RIMS2: variants seen among roughly 807,000 people sequenced by gnomAD.
The protein encoded by RIMS2 is regulating synaptic membrane exocytosis protein 2.
Under a neutral mutation model 174.4 loss-of-function variants are expected in RIMS2, and 59 were observed. The observed-to-expected ratio is 0.34, with a 90% CI of 0.27 to 0.42. The LOEUF (loss-of-function observed/expected upper bound fraction) is 0.42, where lower values mean the gene tolerates loss of function less well. Among genes scored for constraint, RIMS2 ranks in the 10% least tolerant of loss-of-function variants. The probability of loss-of-function intolerance (pLI) is 1.00; values close to 1 mark genes in which losing one functional copy is unlikely to be tolerated. For missense variants in RIMS2, 1,620 were observed against 1,666.3 expected (o/e 0.97, Z 0.48); for synonymous variants, 606 against 572.5 (o/e 1.06, Z -0.84).
At chr8:104,169,304 C>CCATATATATATATATA (rs2098816845) in intron 19 of RIMS2, among the ~76,000 whole-genome samples, 1 of 87,544 alleles carries the variant, frequency 1.1e-5, no homozygotes, top group Admixed American at 1.3e-4. Context: ...TTGTTGTTGG[C>CCATATATATATATATA]TATATATATA....
chr8:104,081,894 C>T (rs191433173), intron 19 of RIMS2, among the ~76,000 whole-genome samples: 115 of 151,794 alleles, frequency 7.6e-4, no homozygotes, highest in African/African-American at 2.6e-3. Context: ...TTCTCTTGAA[C>T]AAAAAACAAA....
At chr8:103,600,303 T>A (rs2094670383) in intron 1 of RIMS2, among the ~76,000 whole-genome samples, 1 of 150,632 alleles carries the variant, frequency 6.6e-6, no homozygotes, top group African/African-American at 2.5e-5. Flanking sequence ...AGAGTCTCAG[T>A]CTGTCACCCA....
At chr8:103,619,909 G>A (rs7823940) in intron 1 of RIMS2, among the ~76,000 whole-genome samples, 1 of 152,046 alleles carries the variant, frequency 6.6e-6, no homozygotes, top group East Asian at 1.9e-4. Flanking sequence ...ATATGAACAT[G>A]TCTATGAAAC....
chr8:104,026,761 T>C (rs946103872), intron 19 of RIMS2, among the ~76,000 whole-genome samples: 5 of 152,178 alleles, frequency 3.3e-5, no homozygotes, highest in African/African-American at 1.2e-4. Flanking sequence ...TTCTAGGTAT[T>C]GGATACCATT....
Position 104,100,950 on chromosome 8 carries a change from T to TACATATG in RIMS2, c.3334+86336_3334+86337insCATATGA, listed in dbSNP as rs1555225609. ...ATGTGATATATTATATATTATATAG[T>TACATATG]ATATATGATATATTATATAGTATAT... On this transcript the variant is annotated intron_variant, in intron 19 of 23. Coordinates refer to ENST00000504942, the Ensembl canonical transcript of RIMS2. Among the ~76,000 whole-genome samples, 131 of 131,114 alleles carry TACATATG rather than the reference T, an allele frequency of 1.0e-3. 2 individuals carry two copies. The highest frequency in any genetic ancestry group is 2.9e-3 in the African/African-American group (102 of 34,686). The allele number at this position is 131,114 out of a possible 152,430, so 86.0% of individuals were successfully genotyped here. A position where few individuals can be genotyped will look rare whatever the true frequency, so the allele number is the denominator to read the frequency against.
At chr8:103,927,867 C>G in exon 11 of RIMS2, 1 of 1,608,008 alleles carries the variant, frequency 6.2e-7, no homozygotes, top group Non-Finnish European at 8.5e-7. Context: ...AGAAGAACAA[C>G]GCCTTTTGTT....
Position 103,513,952 on chromosome 8 carries a change from G to A in RIMS2, c.176+12890G>A, listed in dbSNP as rs574851392. 3.9e-5 allele frequency among the ~76,000 whole-genome samples: 6 copies of A among 152,218 alleles called. No individual in the cohort carries two copies. In the South Asian group the frequency reaches 8.3e-4, roughly 21 times the overall value. The stretch of plus-strand genomic sequence containing the variant: ...AAATTTTACTCTTTCCAGAAAGAGC[G>A]TTACACATAAAATATCTGATTATAT... On this transcript the variant is annotated intron_variant, in intron 1 of 23. Coordinates refer to ENST00000504942, the Ensembl canonical transcript of RIMS2.
intron 1 of RIMS2, among the ~76,000 whole-genome samples, chr8:103,624,357 C>T (rs149766205): frequency 1.2e-3 from 185 of 152,314 alleles, no homozygotes; most frequent in African/African-American, 4.3e-3. Context: ...GACATCTCAT[C>T]TTCTCAGACC....
At chr8:103,878,892 TC>T (rs147564381) in intron 3 of RIMS2, among the ~76,000 whole-genome samples, 20,069 of 151,616 alleles carry the variant, frequency 0.13, 1,800 homozygotes, top group Non-Finnish European at 0.2. Context: ...ATTCACAGAA[TC>T]TTTTTGTTGT....
At chr8:103,567,112 A>C (rs1434393619) in intron 1 of RIMS2, among the ~76,000 whole-genome samples, 1 of 152,174 alleles carries the variant, frequency 6.6e-6, no homozygotes, top group East Asian at 1.9e-4. Context: ...ACTTTCACTT[A>C]GCATAATGTT....
intron 14 of RIMS2, among the ~76,000 whole-genome samples, chr8:103,957,999 C>T (rs2088141545): frequency 6.6e-6 from 1 of 152,028 alleles, no homozygotes; most frequent in Non-Finnish European, 1.5e-5. Flanking sequence ...TATGGTGATT[C>T]CTCATAGAGC....
intron 3 of RIMS2, among the ~76,000 whole-genome samples, chr8:103,795,135 T>A (rs1377962076): frequency 2.0e-5 from 3 of 152,134 alleles, no homozygotes. Flanking sequence ...CACATGCACA[T>A]GTGTGTTTAT....
chr8:104,068,728 A>G (rs901859760), intron 19 of RIMS2, 116 bp downstream of exon 23: 2 of 601,708 alleles, frequency 3.3e-6, no homozygotes, highest in Non-Finnish European at 5.9e-6. Context: ...CCATGGCCCC[A>G]TGATATTATT....
At chr8:103,928,376 T>C (rs1345957664) in intron 11 of RIMS2, among the ~76,000 whole-genome samples, 7 of 151,524 alleles carry the variant, frequency 4.6e-5, no homozygotes, top group African/African-American at 9.7e-5. Context: ...ACATATTATA[T>C]ATAAGGTTCA....
chr8:104,104,200 G>A (rs2131289479), intron 19 of RIMS2, among the ~76,000 whole-genome samples: 1 of 152,242 alleles, frequency 6.6e-6, no homozygotes, highest in East Asian at 1.9e-4. Flanking sequence ...GTTGAGTTGG[G>A]GGTTTGAAGA....
intron 2 of RIMS2, among the ~76,000 whole-genome samples, chr8:103,727,787 A>C (rs1453020912): frequency 1.3e-5 from 2 of 152,172 alleles, no homozygotes; most frequent in Non-Finnish European, 2.9e-5. Flanking sequence ...AGTGTGATCC[A>C]TTGATCTATG....
chr8:103,692,293 A>G (rs1040767897), intron 1 of RIMS2, among the ~76,000 whole-genome samples: 3 of 152,174 alleles, frequency 2.0e-5, no homozygotes, highest in African/African-American at 7.2e-5. Flanking sequence ...TTTCTTCAGG[A>G]TGGTGAGTTG....
chr8:103,943,480 A>G (rs2083019407), intron 14 of RIMS2, among the ~76,000 whole-genome samples: 1 of 152,124 alleles, frequency 6.6e-6, no homozygotes, highest in Non-Finnish European at 1.5e-5. Context: ...AAATAGTAAT[A>G]CCTGCATTAC....
chr8:104,197,783 AAGG>A (rs1361059074), intron 19 of RIMS2, among the ~76,000 whole-genome samples: 1 of 151,962 alleles, frequency 6.6e-6, no homozygotes, highest in African/African-American at 2.4e-5. Flanking sequence ...GTGGATGGAA[AAGG>A]AGAATTTTTT....
Sources: gnomAD v4.1 joint callset for allele counts (sites outside exome capture counted in the v4.1 genomes callset) on GRCh38, gnomAD v4.1.1 for gene constraint, MANE v1.5 for transcripts, NCBI Gene and HGNC (gene_info 2026-07-23, HGNC 2026-07-21) for gene names.